The following CADM2 variants were observed in gnomAD, a reference collection of about 807,000 sequenced individuals.
CADM2 encodes immunoglobulin superfamily member 4D.
A neutral mutation model predicts 49.8 loss-of-function variants in CADM2; 12 were observed. The ratio of observed to expected loss-of-function variants is 0.24; its 90% CI spans 0.15 to 0.39. The LOEUF is 0.39. CADM2 is among the 10% of genes least tolerant of loss of function. The pLI is 1.00. For synonymous variants in CADM2, 214 were observed against 175.4 expected (o/e 1.22, Z -1.74); for missense variants, 378 against 492.3 (o/e 0.77, Z 2.20).
chr3:85,993,612 T>C (rs1297405222), intron 8 of CADM2: 2 of 152,166 alleles, frequency 1.3e-5, no homozygotes, highest in Non-Finnish European at 2.9e-5. Context: ...CTTTAAAAAA[T>C]GTATCTCTTA....
chr3:86,055,451 C>CTTTTTTTTTTTTTT (rs57606781), intron 8 of CADM2, among the ~76,000 whole-genome samples: 3 of 87,502 alleles, frequency 3.4e-5, no homozygotes, highest in South Asian at 5.3e-4. Flanking sequence ...GGCATCCCCT[C>CTTTTTTTTTTTTTT]TTTTTTTTTT....
At chr3:85,505,821 A>C (rs1256684193) in intron 1 of CADM2, among the ~76,000 whole-genome samples, 1 of 152,170 alleles carries the variant, frequency 6.6e-6, no homozygotes, top group East Asian at 1.9e-4. Context: ...CTTTGAATTA[A>C]ACATATGTTA....
rs546694984 is a variant in CADM2 at position 84,995,792 on chromosome 3, C to T, written c.61+36124C>T. On this transcript the variant is annotated intron_variant, in intron 1 of 9. Coordinates refer to ENST00000383699, the MANE Select transcript of CADM2 (RefSeq NM_001167675.2). ...ATTGTTTCCACAACTGGCTTTTTAG[C>T]TTGTTGTTTCCACAACTGGCTTTTT... is the stretch of plus-strand genomic sequence containing the variant. 3.3e-5 allele frequency among the ~76,000 whole-genome samples: 5 copies of T among 152,186 alleles called. No individual in the cohort carries two copies. In the South Asian group the frequency reaches 1.0e-3, roughly 32 times the overall value.
In CADM2 at chr3:85,886,442, T is replaced by C; in HGVS notation, c.529+115T>C. On this transcript the variant is annotated intron_variant, in intron 5 of 9. Coordinates refer to ENST00000383699, the MANE Select transcript of CADM2 (RefSeq NM_001167675.2). ...CATAGTGTCTCTTACAGATTATGCA[T>C]CATTTGAACCAGATTTACCCATTCT... is the stretch of plus-strand genomic sequence containing the variant. 3 of 713,726 alleles carry C rather than the reference T, an allele frequency of 4.2e-6. No homozygotes were observed. The South Asian group carries it at 6.2e-5, about 15-fold the overall frequency. 44.2% of individuals were successfully genotyped at this position (713,726 alleles called of 1,614,324 possible). A position where few individuals can be genotyped will look rare whatever the true frequency, so the allele number is the denominator to read the frequency against.
At chr3:85,350,772 A>G (rs2031262310) in intron 1 of CADM2, among the ~76,000 whole-genome samples, 1 of 152,122 alleles carries the variant, frequency 6.6e-6, no homozygotes, top group Admixed American at 6.6e-5. Flanking sequence ...CGAAAAAAAA[A>G]GTAGAGATGG....
intron 1 of CADM2, among the ~76,000 whole-genome samples, chr3:85,021,387 AC>A (rs2034503528): frequency 6.6e-6 from 1 of 152,212 alleles, no homozygotes; most frequent in Non-Finnish European, 1.5e-5. Flanking sequence ...CGAGAATGTC[AC>A]CTTTATGAAA....
At chr3:84,984,429 T>C (rs1344485087) in intron 1 of CADM2, among the ~76,000 whole-genome samples, 1 of 146,874 alleles carries the variant, frequency 6.8e-6, no homozygotes, top group African/African-American at 2.5e-5. Flanking sequence ...TTACCTCCCA[T>C]GTTAACTTAA....
chr3:85,657,848 G>C (rs761285286), intron 1 of CADM2, among the ~76,000 whole-genome samples: 141 of 150,968 alleles, frequency 9.3e-4, no homozygotes, highest in Non-Finnish European at 1.3e-3. Flanking sequence ...TAGTACCTCA[G>C]AAAGTGGCTT....
intron 1 of CADM2, among the ~76,000 whole-genome samples, chr3:85,403,030 G>T (rs1436918830): frequency 2.0e-5 from 3 of 152,172 alleles, no homozygotes; most frequent in Non-Finnish European, 4.4e-5. Flanking sequence ...TACCTGAAAG[G>T]TTAGGGTGAA....
intron 1 of CADM2, among the ~76,000 whole-genome samples, chr3:85,079,435 G>C (rs538765957): frequency 6.6e-6 from 1 of 151,718 alleles, no homozygotes; most frequent in African/African-American, 2.4e-5. Flanking sequence ...TTTAATTGTA[G>C]AAGGATTACC....
chr3:85,127,435 A>C (rs1468650557), intron 1 of CADM2, among the ~76,000 whole-genome samples: 1 of 152,190 alleles, frequency 6.6e-6, no homozygotes, highest in East Asian at 1.9e-4. Context: ...TAAAGGGCCA[A>C]CTGGCCCAAA....
At chr3:86,009,791 A>T (rs963383283) in intron 8 of CADM2, among the ~76,000 whole-genome samples, 1 of 151,736 alleles carries the variant, frequency 6.6e-6, no homozygotes, top group East Asian at 1.9e-4. Context: ...TTGACAAATA[A>T]TATATATTTT....
intron 1 of CADM2, among the ~76,000 whole-genome samples, chr3:85,487,729 T>TGTGTGTGTGCGTGTGTGC (rs1208141689): frequency 6.6e-6 from 1 of 151,744 alleles, no homozygotes; most frequent in Non-Finnish European, 1.5e-5. Context: ...AACCTCTGTG[T>TGTGTGTGTGCGTGTGTGC]GTGTGTGTGC....
chr3:85,567,231 A>T (rs867616115), intron 1 of CADM2, among the ~76,000 whole-genome samples: 3 of 152,198 alleles, frequency 2.0e-5, no homozygotes, highest in Non-Finnish European at 2.9e-5. Context: ...AAATCTCATC[A>T]GGCTGCTGCA....
chr3:85,649,890 C>G (rs11915747), intron 1 of CADM2, among the ~76,000 whole-genome samples: 52,706 of 151,770 alleles, frequency 0.35, 9,545 homozygotes, highest in East Asian at 0.61. Context: ...CAGGTCTGTG[C>G]GAGAGGAAGT....
intron 1 of CADM2, among the ~76,000 whole-genome samples, chr3:85,429,094 G>A (rs1021246860): frequency 2.0e-5 from 3 of 151,940 alleles, no homozygotes; most frequent in African/African-American, 2.4e-5. Context: ...AGAGTTCAGC[G>A]AATGTTTCAT....
intron 5 of CADM2, among the ~76,000 whole-genome samples, chr3:85,891,594 A>C (rs1276276930): frequency 6.6e-6 from 1 of 152,184 alleles, no homozygotes; most frequent in Non-Finnish European, 1.5e-5. Context: ...CAATGAGACG[A>C]GGTCTTTAAG....
At chr3:85,047,893 C>T (rs2035728656) in intron 1 of CADM2, among the ~76,000 whole-genome samples, 1 of 152,038 alleles carries the variant, frequency 6.6e-6, no homozygotes, top group Admixed American at 6.6e-5. Flanking sequence ...GCCTTTGCTG[C>T]TAATATATTG....
intron 8 of CADM2, among the ~76,000 whole-genome samples, chr3:86,042,861 C>G (rs1387841542): frequency 1.3e-5 from 2 of 152,156 alleles, no homozygotes; most frequent in African/African-American, 4.8e-5. Context: ...TCCAGCAGCA[C>G]ATCAAAAAGC....
Sources: allele counts gnomAD v4.1 joint callset (sites outside exome capture counted in the v4.1 genomes callset), GRCh38; gene constraint gnomAD v4.1.1; transcripts MANE v1.5; gene names NCBI Gene and HGNC (gene_info 2026-07-23, HGNC 2026-07-21).